ARAP2: variants seen among roughly 807,000 people sequenced by gnomAD.
ARAP2 encodes ArfGAP with RhoGAP domain, ankyrin repeat and PH domain 2.
Under a neutral mutation model 194.5 loss-of-function variants are expected in ARAP2, and 148 were observed. The observed-to-expected ratio is 0.76, with a 90% CI of 0.67 to 0.87. The LOEUF (loss-of-function observed/expected upper bound fraction) is 0.87. Ranked by LOEUF, ARAP2 falls within the 40% of genes least tolerant of loss-of-function variation. ARAP2 has a pLI of 0.00. For synonymous variants in ARAP2, 695 were observed against 683.5 expected (o/e 1.02, Z -0.26); for missense variants, 2,128 against 1,989.7 (o/e 1.07, Z -1.32).
intron 9 of ARAP2, among the ~76,000 whole-genome samples, chr4:36,011,887 T>A (rs7664766): frequency 0.17 from 25,174 of 152,034 alleles, 4,596 homozygotes; most frequent in African/African-American, 0.46. Context: ...TTAGAATAGT[T>A]CCTTATCAAG....
intron 2 of ARAP2, among the ~76,000 whole-genome samples, chr4:36,222,900 T>C (rs1749483167): frequency 6.6e-6 from 1 of 152,156 alleles, no homozygotes; most frequent in African/African-American, 2.4e-5. Flanking sequence ...CCAGAATTAC[T>C]AGCTTAACTT....
At chr4:36,168,917 T>C (rs139513960) in intron 9 of ARAP2, among the ~76,000 whole-genome samples, 308 of 152,354 alleles carry the variant, frequency 2.0e-3, no homozygotes, top group African/African-American at 6.9e-3. Context: ...ATCTGCCGCA[T>C]TTTAATAAGT....
chr4:36,090,558 G>A (rs137914128), intron 28 of ARAP2, among the ~76,000 whole-genome samples: 6 of 152,070 alleles, frequency 3.9e-5, no homozygotes, highest in Non-Finnish European at 7.4e-5. Context: ...TATCCACCAC[G>A]ATCATGGAAC....
At chr4:36,200,415 C>T (rs1410110701) in intron 6 of ARAP2, among the ~76,000 whole-genome samples, 7 of 151,976 alleles carry the variant, frequency 4.6e-5, no homozygotes, top group Admixed American at 4.6e-4. Flanking sequence ...ACCACCATGC[C>T]CAGCTAATTT....
chr4:36,229,665 GATTC>G lies in ARAP2; in HGVS notation c.-159-24_-159-21del, dbSNP rs778911789. On this transcript the variant is annotated intron_variant, in intron 1 of 32. Transcript: ENST00000303965. ...TTAAGCCTAGAAAAAAATAAAAAAT[GATTC>G]ATTAGGCTATTTTAATTATTAAAAT... 1 of 440,720 alleles carries G rather than the reference GATTC, an allele frequency of 2.3e-6. No homozygotes were observed. Among genetic ancestry groups the G allele is most frequent in the Non-Finnish European group, 4.0e-6 (1 of 251,432 alleles). The allele number at this position is 440,720 out of a possible 1,614,324, so 27.3% of individuals were successfully genotyped here. A position where few individuals can be genotyped will look rare whatever the true frequency, so the allele number is the denominator to read the frequency against.
At chr4:36,060,129 C>A (rs1724178135) in intron 1 of ARAP2, among the ~76,000 whole-genome samples, 1 of 152,050 alleles carries the variant, frequency 6.6e-6, no homozygotes, top group Non-Finnish European at 1.5e-5. Context: ...TGGTTTGGGT[C>A]AGCTGGGTTG....
intron 10 of ARAP2, chr4:36,005,893 A>G (rs576485625): frequency 6.6e-6 from 1 of 152,310 alleles, no homozygotes; most frequent in East Asian, 1.9e-4. Flanking sequence ...CTCAGGGTAG[A>G]CCAGTGGCAT....
At chr4:36,060,930 T>G (rs1378541457) in intron 1 of ARAP2, among the ~76,000 whole-genome samples, 4 of 152,152 alleles carry the variant, frequency 2.6e-5, no homozygotes, top group Non-Finnish European at 5.9e-5. Context: ...CATTCTAGGG[T>G]ACTGGGAATT....
chr4:36,022,345 A>C (rs745796809), intron 5 of ARAP2, among the ~76,000 whole-genome samples: 3 of 152,146 alleles, frequency 2.0e-5, no homozygotes, highest in African/African-American at 7.2e-5. Context: ...ATAATTTGAC[A>C]TAAAGAGATT....
At chr4:36,062,843 G>A (rs76451203), downstream of ARAP2, among the ~76,000 whole-genome samples, 454 of 152,140 alleles carry the variant, frequency 3.0e-3, 3 homozygotes, top group African/African-American at 0.01. Context: ...AATGTAATTT[G>A]TAATATTTTA....
At chr4:36,164,717 TA>T (rs1387128456) in intron 11 of ARAP2, among the ~76,000 whole-genome samples, 196 bp downstream of exon 11, 2 of 152,222 alleles carry the variant, frequency 1.3e-5, no homozygotes, top group African/African-American at 4.8e-5. Flanking sequence ...ATTGCATGCT[TA>T]AAAATCCATT....
chr4:36,228,226 T>C (rs1750739475), intron 2 of ARAP2, among the ~76,000 whole-genome samples: 1 of 152,128 alleles, frequency 6.6e-6, no homozygotes, highest in Non-Finnish European at 1.5e-5. Context: ...AAAGAACAAA[T>C]CATCTATTGG....
intron 1 of ARAP2, among the ~76,000 whole-genome samples, chr4:36,236,222 C>T (rs1329804051): frequency 6.6e-6 from 1 of 151,812 alleles, no homozygotes; most frequent in Non-Finnish European, 1.5e-5. Context: ...AAGCTTCCCC[C>T]TAATGTCTCG....
intron 13 of ARAP2, 157 bp downstream of exon 13, chr4:36,160,302 C>T: frequency 8.1e-7 from 1 of 1,234,546 alleles, no homozygotes; most frequent in Non-Finnish European, 1.0e-6. Flanking sequence ...TTAAATGAAA[C>T]AAGGGGGAAA....
chr4:36,063,537 C>CT (rs1273046459), downstream of ARAP2, among the ~76,000 whole-genome samples: 2 of 152,100 alleles, frequency 1.3e-5, no homozygotes, highest in Non-Finnish European at 2.9e-5. Context: ...GCCTCAAACT[C>CT]TGACTAGTAT....
intron 19 of ARAP2, among the ~76,000 whole-genome samples, chr4:36,144,888 T>C (rs1381427112): frequency 3.9e-5 from 6 of 151,954 alleles, no homozygotes; most frequent in Non-Finnish European, 8.8e-5. Flanking sequence ...ACGACACAGA[T>C]GAATACCTTC....
intron 5 of ARAP2, among the ~76,000 whole-genome samples, chr4:36,042,016 C>G (rs1263149431): frequency 6.6e-6 from 1 of 151,964 alleles, no homozygotes; most frequent in African/African-American, 2.4e-5. Flanking sequence ...ACACTGGGGT[C>G]TACTTGAGGG....
chr4:36,024,346 A>AT (rs1717538812), intron 5 of ARAP2, among the ~76,000 whole-genome samples: 1 of 152,174 alleles, frequency 6.6e-6, no homozygotes, highest in Admixed American at 6.6e-5. Flanking sequence ...CCGAATATTT[A>AT]TTTTTCTAGA....
In ARAP2 at chr4:36,211,908, G is replaced by C. The variant is rs192828885; in HGVS notation, c.1133+488C>G. On this transcript the variant is annotated intron_variant, in intron 5 of 32. Transcript: ENST00000303965. ...CAGTATGCCAAGTTCCAATAAAGCT[G>C]AGAGAAAACCAAAATTGAAGTTGGT... 6.6e-4 allele frequency among the ~76,000 whole-genome samples: 101 copies of C among 152,162 alleles called. 1 individual carries two copies. Among genetic ancestry groups the C allele is most frequent in the Non-Finnish European group, 5.6e-4 (38 of 67,930 alleles).
Sources: gnomAD v4.1 joint callset for allele counts (sites outside exome capture counted in the v4.1 genomes callset) on GRCh38, gnomAD v4.1.1 for gene constraint, MANE v1.5 for transcripts, NCBI Gene and HGNC (gene_info 2026-07-23, HGNC 2026-07-21) for gene names.